NUF2: variants seen among roughly 807,000 people sequenced by gnomAD.
NUF2 encodes the protein kinetochore protein Nuf2.
A neutral mutation model predicts 61.8 loss-of-function variants in NUF2; 34 were observed. That is an observed-to-expected ratio of 0.55 (90% CI 0.42 to 0.73). The LOEUF (loss-of-function observed/expected upper bound fraction) is 0.73, where lower values mean the gene tolerates loss of function less well. Ranked by LOEUF, NUF2 falls within the 30% of genes least tolerant of loss-of-function variation. The pLI, the probability that NUF2 is intolerant of heterozygous loss-of-function variation, is 0.00. For synonymous variants in NUF2, 172 were observed against 181.6 expected (o/e 0.95, Z 0.42); for missense variants, 445 against 539.1 (o/e 0.83, Z 1.73).
intron 1 of NUF2, chr1:163,323,100 G>A (rs1055513410): frequency 2.0e-5 from 3 of 152,180 alleles, no homozygotes; most frequent in Non-Finnish European, 2.9e-5. Context: ...GGTAAGGTGA[G>A]TAATTGAAGT....
intron 13 of NUF2, 92 bp downstream of exon 13, chr1:163,349,172 T>G: frequency 9.6e-7 from 1 of 1,036,760 alleles, no homozygotes; most frequent in Non-Finnish European, 1.4e-6. Flanking sequence ...GGTCTCTGTG[T>G]AATGAGACTT....
At chr1:163,352,459 C>CA (rs1294791595) in intron 13 of NUF2, among the ~76,000 whole-genome samples, 1 of 152,186 alleles carries the variant, frequency 6.6e-6, no homozygotes, top group Non-Finnish European at 1.5e-5. Context: ...TTCATTCACC[C>CA]AGTCAGTATT....
intron 5 of NUF2, among the ~76,000 whole-genome samples, chr1:163,332,229 C>T (rs565798379): frequency 1.3e-3 from 200 of 151,922 alleles, no homozygotes; most frequent in African/African-American, 4.5e-3. Flanking sequence ...TTTCTTTTTT[C>T]ATGTATGGGT....
chr1:163,342,278 A>G (rs1557952911), intron 9 of NUF2, among the ~76,000 whole-genome samples: 1 of 151,990 alleles, frequency 6.6e-6, no homozygotes, highest in African/African-American at 2.4e-5. Context: ...AGTACTTACT[A>G]TGGCTCAATT....
chr1:163,335,445 T>C (rs1186201668), intron 5 of NUF2, among the ~76,000 whole-genome samples: 1 of 152,190 alleles, frequency 6.6e-6, no homozygotes, highest in Non-Finnish European at 1.5e-5. Flanking sequence ...GCTTTTCTTA[T>C]CTTTGTTTCT....
chr1:163,347,959 T>A, intron 12 of NUF2, 21 bp downstream of exon 12: 1 of 1,435,074 alleles, frequency 7.0e-7, no homozygotes, highest in South Asian at 1.6e-5. Flanking sequence ...GTTTTCAATT[T>A]TAGTGTATTA....
chr1:163,336,248 A>G (rs746301190), intron 5 of NUF2, among the ~76,000 whole-genome samples: 1 of 152,120 alleles, frequency 6.6e-6, no homozygotes, highest in Non-Finnish European at 1.5e-5. Flanking sequence ...CCTCATCTTA[A>G]TACTCAGTTC....
At chr1:163,346,679 T>C (rs906089011) in intron 11 of NUF2, among the ~76,000 whole-genome samples, 1 of 152,138 alleles carries the variant, frequency 6.6e-6, no homozygotes, top group Non-Finnish European at 1.5e-5. Context: ...CATAGCAAGA[T>C]GCTATCTCTA....
Position 163,347,943 on chromosome 1 carries a change from G to T in NUF2, c.1124+5G>T, listed in dbSNP as rs2101688806. The T allele has an allele frequency of 6.7e-7, 1 of 1,487,170 alleles. No homozygotes were observed. The allele number at this position is 1,487,170 out of a possible 1,614,324, so 92.1% of individuals were successfully genotyped here. A position where few individuals can be genotyped will look rare whatever the true frequency, so the allele number is the denominator to read the frequency against. On this transcript the variant is annotated splice_donor_5th_base_variant and intron_variant, in intron 12 of 13. Transcript: ENST00000271452. ...ATACAAACGCACAGTAATTGAGTAT[G>T]GAGTTGTTTTCAATTTTAGTGTATT...
At chr1:163,327,699 CAT>C (rs1571374876) in intron 3 of NUF2, 137 bp downstream of exon 3, 3 of 608,110 alleles carry the variant, frequency 4.9e-6, no homozygotes, top group African/African-American at 3.7e-5. Flanking sequence ...AATTCAAAGA[CAT>C]ATAAAATTAG....
intron 5 of NUF2, among the ~76,000 whole-genome samples, chr1:163,332,188 G>T (rs558625871): frequency 3.4e-4 from 51 of 151,316 alleles, no homozygotes; most frequent in Non-Finnish European, 6.5e-4. Flanking sequence ...ATTTTTATTG[G>T]GTTCAAGATA....
Position 163,343,795 on chromosome 1 carries a change from T to C in NUF2, c.732T>C (p.Ile244=). The C allele has an allele frequency of 6.9e-7, 1 of 1,448,148 alleles. No individual in the cohort carries two copies. Among genetic ancestry groups the C allele is most frequent in the South Asian group, 1.5e-5 (1 of 65,808 alleles). The allele number at this position is 1,448,148 out of a possible 1,614,324, so 89.7% of individuals were successfully genotyped here. A position where few individuals can be genotyped will look rare whatever the true frequency, so the allele number is the denominator to read the frequency against. ...TACAAGAGAGTTTGAAAACAAAAAT[T>C]GTGGATTCTCCAGAGAAGTTAAAGA... is the stretch of plus-strand genomic sequence containing the variant. ...KEIQESLKTK[I]VDSPEKLKNY... The change falls in exon 10 of 14, where the codon ATT becomes ATC. Residue 244 remains isoleucine (I), a synonymous_variant. Transcript: ENST00000271452.
chr1:163,340,528 T>C (rs1650908539), intron 9 of NUF2, 102 bp downstream of exon 9: 2 of 742,294 alleles, frequency 2.7e-6, no homozygotes, highest in Non-Finnish European at 4.4e-6. Flanking sequence ...TCTCCCTTTT[T>C]CCCTTCAAAA....
At chr1:163,333,015 G>A (rs1650647967) in intron 5 of NUF2, among the ~76,000 whole-genome samples, 1 of 152,162 alleles carries the variant, frequency 6.6e-6, no homozygotes, top group South Asian at 2.1e-4. Flanking sequence ...AGCCTACTGG[G>A]TCCTTACAGA....
At chr1:163,323,783 A>G (rs2101662101) in intron 1 of NUF2, among the ~76,000 whole-genome samples, 1 of 152,288 alleles carries the variant, frequency 6.6e-6, no homozygotes, top group Non-Finnish European at 1.5e-5. Flanking sequence ...CATGAAATTT[A>G]ATAGTAGAAA....
chr1:163,354,541 A>C (rs192701072), intron 13 of NUF2, among the ~76,000 whole-genome samples: 100 of 152,196 alleles, frequency 6.6e-4, no homozygotes, highest in Middle Eastern at 3.4e-3. Context: ...GCTTAAGAAA[A>C]ATTTAGTGGG....
At chr1:163,335,384 A>G (rs1464274363) in intron 5 of NUF2, among the ~76,000 whole-genome samples, 1 of 152,126 alleles carries the variant, frequency 6.6e-6, no homozygotes. Context: ...TGCTTTAAAT[A>G]TATTGCTCCA....
intron 12 of NUF2, 80 bp from the exon 13 acceptor site, chr1:163,348,865 T>A: frequency 6.8e-7 from 1 of 1,479,338 alleles, no homozygotes; most frequent in South Asian, 1.2e-5. Flanking sequence ...CATGGTCACT[T>A]TGGAATCAAA....
chr1:163,340,669 G>T (rs1007451303), intron 9 of NUF2, among the ~76,000 whole-genome samples: 3 of 152,094 alleles, frequency 2.0e-5, no homozygotes, highest in African/African-American at 7.2e-5. Context: ...ATCAAAGATT[G>T]TATTTGCTAT....
Sources: gnomAD v4.1 joint callset for allele counts (sites outside exome capture counted in the v4.1 genomes callset) on GRCh38, gnomAD v4.1.1 for gene constraint, MANE v1.5 for transcripts, NCBI Gene and HGNC (gene_info 2026-07-23, HGNC 2026-07-21) for gene names.